Variants in ZNF714 observed in about 807,000 individuals in gnomAD.
ZNF714 encodes the protein zinc finger protein 714.
ZNF714 carries 32 observed loss-of-function variants against 46.2 expected under a neutral mutation model. The ratio of observed to expected loss-of-function variants is 0.69; its 90% CI spans 0.52 to 0.93. ZNF714 has a LOEUF of 0.93. ZNF714 is among the 40% of genes least tolerant of loss of function. The pLI, the probability that ZNF714 is intolerant of heterozygous loss-of-function variation, is 0.00. For missense variants in ZNF714, 635 were observed against 646.3 expected (o/e 0.98, Z 0.19); for synonymous variants, 199 against 213.1 (o/e 0.93, Z 0.58).
intron 4 of ZNF714, among the ~76,000 whole-genome samples, chr19:21,105,350 C>G (rs1327211886): frequency 6.6e-6 from 1 of 152,052 alleles, no homozygotes; most frequent in African/African-American, 2.4e-5. Context: ...TAAAGTTATT[C>G]AACTTTATTG....
intron 2 of ZNF714, among the ~76,000 whole-genome samples, chr19:21,097,926 C>T (rs759855953): frequency 6.6e-6 from 1 of 152,012 alleles, no homozygotes; most frequent in Non-Finnish European, 1.5e-5. Flanking sequence ...AAAATGTATA[C>T]GTTTGTGTCC....
In ZNF714 at chr19:21,121,507, T is replaced by TG. The variant is rs1969703068; in HGVS notation, c.*3177dup. 1 of 152,196 alleles carries TG rather than the reference T, an allele frequency of 6.6e-6. No individual in the cohort carries two copies. The highest frequency in any genetic ancestry group is 1.5e-5 in the Non-Finnish European group (1 of 68,036). The allele number at this position is 152,196 out of a possible 1,614,324, so 9.4% of individuals were successfully genotyped here. On this transcript the variant is annotated 3_prime_UTR_variant, in exon 5 of 5. Coordinates refer to ENST00000456283, the MANE Select transcript of ZNF714 (RefSeq NM_182515.4). ...TGTTATATATTTTTCTTTGAACATG[T>TG]GGCCTGTCTGCCTGCAAACATGCAG...
chr19:21,119,151 T>A lies in ZNF714; in HGVS notation c.*819T>A, dbSNP rs376815370. 3 of 447,866 alleles carry A rather than the reference T, an allele frequency of 6.7e-6. No individual in the cohort carries two copies. Among genetic ancestry groups the A allele is most frequent in the South Asian group, 4.7e-5 (3 of 63,618 alleles). 27.7% of individuals were successfully genotyped at this position (447,866 alleles called of 1,614,324 possible). A position where few individuals can be genotyped will look rare whatever the true frequency, so the allele number is the denominator to read the frequency against. ...CAGGCGTGGTGGCTCAGGCCTATAA[T>A]CCCAGCACTTTGGTAGGCCAAGGCA... On this transcript the variant is annotated 3_prime_UTR_variant, in exon 5 of 5. Coordinates refer to ENST00000456283, the MANE Select transcript of ZNF714 (RefSeq NM_182515.4).
intron 2 of ZNF714, among the ~76,000 whole-genome samples, chr19:21,092,535 A>G (rs1382735202): frequency 2.0e-5 from 3 of 152,058 alleles, no homozygotes; most frequent in African/African-American, 7.2e-5. Flanking sequence ...GTAAAACAAA[A>G]ACTCCGTCCA....
intron 4 of ZNF714, among the ~76,000 whole-genome samples, chr19:21,108,059 G>A (rs932854874): frequency 7.2e-5 from 11 of 152,124 alleles, no homozygotes; most frequent in African/African-American, 2.4e-4. Context: ...ATGTAGCTGA[G>A]ACTACAGACA....
At chr19:21,102,976 C>T (rs576609899) in intron 4 of ZNF714, among the ~76,000 whole-genome samples, 18 of 152,026 alleles carry the variant, frequency 1.2e-4, no homozygotes, top group African/African-American at 4.3e-4. Context: ...CTATCACAAT[C>T]GGATTATATA....
intron 2 of ZNF714, among the ~76,000 whole-genome samples, chr19:21,084,711 T>G: frequency 6.7e-6 from 1 of 149,850 alleles, no homozygotes. Flanking sequence ...AATTTTTTTT[T>G]TTTTTTTTTT....
rs374049841 is a variant in ZNF714 at position 21,117,327 on chromosome 19, G to C, written c.663G>C (p.Met221Ile). Residue 221 changes from methionine to isoleucine, a missense_variant, in exon 5 of 5, where the codon ATG becomes ATC. Met to Ile is a conservative substitution (Grantham distance 10). Coordinates refer to ENST00000456283, the MANE Select transcript of ZNF714 (RefSeq NM_182515.4). ...KHSSTLTTHK[M>I]IHTGEKPYRC... The stretch of plus-strand genomic sequence containing the variant: ...CCTCAACCCTTACTACACATAAGAT[G>C]ATTCATACTGGAGAGAAACCCTACA... 2 of 1,610,508 alleles carry C rather than the reference G, an allele frequency of 1.2e-6. No individual in the cohort carries two copies. Among genetic ancestry groups the C allele is most frequent in the Admixed American group, 3.3e-5 (2 of 59,782 alleles).
rs765255639 is a variant in ZNF714, at chr19:21,117,612, A to G, written c.948A>G (p.Glu316=). The change falls in exon 5 of 5, where the codon GAA becomes GAG. Residue 316 remains glutamate (E), a synonymous_variant. Transcript: ENST00000456283. ...CTGGAGAGAAATCTTACAAATGTGA[A>G]CAATGTGGCAAAGGCTTTAACTGGT... ...IHSGEKSYKC[E]QCGKGFNWSS... 1.2e-5 allele frequency: 20 copies of G among 1,611,966 alleles called. 1 individual carries two copies. In the South Asian group the frequency reaches 2.0e-4, roughly 16 times the overall value.
At chr19:21,090,342 C>G (rs1255914963) in intron 2 of ZNF714, among the ~76,000 whole-genome samples, 1 of 152,132 alleles carries the variant, frequency 6.6e-6, no homozygotes, top group African/African-American at 2.4e-5. Flanking sequence ...AAGATTTTTT[C>G]CAGCAGTCCC....
At chr19:21,090,902 T>C (rs1474912862) in intron 2 of ZNF714, 1 of 56,852 alleles carries the variant, frequency 1.8e-5, no homozygotes, top group Non-Finnish European at 3.7e-5. Context: ...TTTTTTTTTT[T>C]TGAGACAGGG....
rs10402408 is a variant in ZNF714 at position 21,096,990 on chromosome 19, C to T, written c.-84-1195C>T. Among the ~76,000 whole-genome samples the T allele has an allele frequency of 5.6e-3, 860 of 152,220 alleles. 8 individuals carry two copies. Among genetic ancestry groups the T allele is most frequent in the African/African-American group, 0.02 (815 of 41,514 alleles). The stretch of plus-strand genomic sequence containing the variant: ...CATGCTTTTCTCCTGCTTCAACCTC[C>T]CAAGTAGCTGGGACTACAGGCGCCC... On this transcript the variant is annotated intron_variant, in intron 2 of 4. Transcript: ENST00000456283.
rs543696502 is a variant in ZNF714, at chr19:21,100,230, A to AT, written c.142+1326dup. On this transcript the variant is annotated intron_variant, in intron 4 of 4. Transcript: ENST00000456283. Reference sequence around the variant, plus strand: ...ATATCTTATATATTTCATTGTAAAGATTTTTTACCTTGGCCAGCCGCAGTG... The same window carrying AT: ...ATATCTTATATATTTCATTGTAAAGATTTTTTTACCTTGGCCAGCCGCAGTG... 1.0e-3 allele frequency among the ~76,000 whole-genome samples: 155 copies of AT among 151,762 alleles called. 1 individual carries two copies. Among genetic ancestry groups the AT allele is most frequent in the African/African-American group, 3.2e-3 (133 of 41,370 alleles).
chr19:21,094,673 T>C (rs575953832), intron 2 of ZNF714, among the ~76,000 whole-genome samples: 1 of 152,262 alleles, frequency 6.6e-6, no homozygotes, highest in African/African-American at 2.4e-5. Context: ...ACTACAGATG[T>C]GTGCCACCAA....
Position 21,098,925 on chromosome 19 carries a change from A to G in ZNF714, c.142+15A>G. 2 of 1,507,262 alleles carry G rather than the reference A, an allele frequency of 1.3e-6. No individual in the cohort carries two copies. Among genetic ancestry groups the G allele is most frequent in the Non-Finnish European group, 1.8e-6 (2 of 1,090,338 alleles). 93.4% of individuals were successfully genotyped at this position (1,507,262 alleles called of 1,614,324 possible). On this transcript the variant is annotated intron_variant, in intron 4 of 4. Transcript: ENST00000456283. ...TGAATCCCCAGGTAGGTGAGAGTGA[A>G]CACAACAGATGACACAGATGAGAGG... is the stretch of plus-strand genomic sequence containing the variant.
chr19:21,118,207 A>G lies in ZNF714; in HGVS notation c.1543A>G (p.Thr515Ala). ...GGTGGCTCATGCCTGTAATCCCAAC[A>G]CTTTGAGAGGACTAGGTGAGCAGAT... ...GMVAHACNPN[T>A]LRGLGEQIAR... The change falls in exon 5 of 5, where the codon ACT (threonine) becomes GCT (alanine). Residue 515 changes from threonine to alanine, a missense_variant. By Grantham distance (58) the Thr-to-Ala change is moderately conservative. Coordinates refer to ENST00000456283, the MANE Select transcript of ZNF714 (RefSeq NM_182515.4). 1 of 1,600,244 alleles carries G rather than the reference A, an allele frequency of 6.2e-7. No homozygotes were observed. Among genetic ancestry groups the G allele is most frequent in the Non-Finnish European group, 8.5e-7 (1 of 1,172,272 alleles).
In ZNF714 at chr19:21,124,929, T is replaced by C. The variant is rs1485169522; in HGVS notation, c.*6597T>C. 1.5e-5 allele frequency: 2 copies of C among 129,996 alleles called. No homozygotes were observed. The highest frequency in any genetic ancestry group is 5.5e-5 in the African/African-American group (2 of 36,516). 8.1% of individuals were successfully genotyped at this position (129,996 alleles called of 1,614,324 possible). A position where few individuals can be genotyped will look rare whatever the true frequency, so the allele number is the denominator to read the frequency against. On this transcript the variant is annotated 3_prime_UTR_variant, in exon 5 of 5. Coordinates refer to ENST00000456283, the MANE Select transcript of ZNF714 (RefSeq NM_182515.4). ...TTAATCTATGTAATTTAAAATAATA[T>C]AATTTTTTTCTTTTTTTTTTTTTTT...
chr19:21,088,073 A>C (rs1968823634), intron 2 of ZNF714, among the ~76,000 whole-genome samples: 1 of 152,194 alleles, frequency 6.6e-6, no homozygotes, highest in African/African-American at 2.4e-5. Context: ...GGTGTGGCTA[A>C]CTTGATGTGT....
At chr19:21,106,082 C>T (rs1452805979) in intron 4 of ZNF714, among the ~76,000 whole-genome samples, 1 of 151,626 alleles carries the variant, frequency 6.6e-6, no homozygotes, top group African/African-American at 2.4e-5. Flanking sequence ...AGTGAAACCC[C>T]ATCTCTACTA....
Sources: gnomAD v4.1 joint callset for allele counts (sites outside exome capture counted in the v4.1 genomes callset) on GRCh38, gnomAD v4.1.1 for gene constraint, MANE v1.5 for transcripts, NCBI Gene and HGNC (gene_info 2026-07-23, HGNC 2026-07-21) for gene names.